The following KLHL41 variants were observed in gnomAD, a reference collection of about 807,000 sequenced individuals.
KLHL41 encodes kelch-like protein 41.
Under a neutral mutation model 49.2 loss-of-function variants are expected in KLHL41, and 31 were observed. The observed-to-expected ratio is 0.63, with a 90% confidence interval of 0.47 to 0.85. The LOEUF (loss-of-function observed/expected upper bound fraction) is 0.85. Ranked by LOEUF, KLHL41 falls within the 40% of genes least tolerant of loss-of-function variation. The pLI is 0.00. For missense variants in KLHL41, 663 were observed against 726.7 expected (o/e 0.91, Z 1.01); for synonymous variants, 218 against 258.5 (o/e 0.84, Z 1.50).
At position 169,510,100 on chromosome 2, in the gene KLHL41, G is replaced by C. The variant is rs185551614; in HGVS notation, c.322G>C (p.Ala108Pro). Residue 108 changes from alanine to proline, a missense_variant, in exon 1 of 6, where the codon GCA becomes CCA. Transcript: ENST00000284669. This position sits in a 1 kb window ranked among gnomAD's most constrained non-coding sequence, Gnocchi z 4.2. ...LNDGNVQDIF[A>P]LASRFQIPSV... is the part of the protein sequence containing the mutation. ...TGACGGAAATGTGCAAGATATTTTT[G>C]CATTGGCCAGCCGCTTTCAGATCCC... 6.2e-7 allele frequency: 1 copy of C among 1,614,128 alleles called. No homozygotes were observed. Among genetic ancestry groups the C allele is most frequent in the Non-Finnish European group, 8.5e-7 (1 of 1,180,022 alleles).
In KLHL41 at chr2:169,514,727, C is replaced by A; in HGVS notation, c.1264C>A (p.Pro422Thr). 1 of 1,613,692 alleles carries A rather than the reference C, an allele frequency of 6.2e-7. No individual in the cohort carries two copies. The highest frequency in any genetic ancestry group is 8.5e-7 in the Non-Finnish European group (1 of 1,179,806). Residue 422 changes from proline to threonine, a missense_variant, in exon 2 of 6, where the codon CCT becomes ACT. Physicochemically the swap from Pro to Thr is conservative, Grantham distance 38. This residue lies in a region of KLHL41 where 528 missense variants were observed against 581.0 expected (regional missense o/e 0.91). Transcript: ENST00000284669. ...ASLDSVLCYDPVAAKWNEVKK... is the reference protein window; with the variant it reads ...ASLDSVLCYDTVAAKWNEVKK... Reference sequence around the variant, plus strand: ...GCTGGATTCAGTATTATGCTATGATCCTGTGTAAGTTGGCATGATATTCCT... The same window carrying A: ...GCTGGATTCAGTATTATGCTATGATACTGTGTAAGTTGGCATGATATTCCT...
rs748552834 is a variant in KLHL41 at position 169,509,859 on chromosome 2, G to A, written c.81G>A (p.Leu27=). ...TTCAGGATGGTCTAAAAGATCTCCT[G>A]GATGAGAAAAAATTCATCGATTGCA... The part of the protein sequence containing the change: ...TLLQDGLKDL[L]DEKKFIDCTL... The change falls in exon 1 of 6, where the codon CTG becomes CTA. Residue 27 remains leucine (L), a synonymous_variant. Transcript: ENST00000284669. 1.9e-6 allele frequency: 3 copies of A among 1,614,090 alleles called. No individual in the cohort carries two copies. Among genetic ancestry groups the A allele is most frequent in the Non-Finnish European group, 2.5e-6 (3 of 1,180,026 alleles).
rs1033276582 is a variant in KLHL41, at chr2:169,525,664, C to T, written c.1789C>T (p.Arg597Cys). ...TTCAGGAGCTAGTTGCCTAGCAACA[C>T]GTTTAAATCTCTTCAAACTGTCTAA... is the stretch of plus-strand genomic sequence containing the variant. ...YASGASCLAT[R>C]LNLFKLSKL is the part of the protein sequence containing the mutation. Residue 597 changes from arginine (R) to cysteine (C), a missense_variant, in exon 6 of 6, where the codon CGT (arginine) becomes TGT (cysteine). By Grantham distance (180) the Arg-to-Cys change is radical. Transcript: ENST00000284669. 7.5e-6 allele frequency: 12 copies of T among 1,610,468 alleles called. No individual in the cohort carries two copies. The highest frequency in any genetic ancestry group is 6.7e-5 in the East Asian group (3 of 44,852).
In KLHL41 at chr2:169,510,087, G is replaced by A. The variant is rs1404529732; in HGVS notation, c.309G>A (p.Val103=). 1.2e-6 allele frequency: 2 copies of A among 1,614,030 alleles called. No individual in the cohort carries two copies. The highest frequency in any genetic ancestry group is 2.7e-5 in the African/African-American group (2 of 74,918). ...SASIDLNDGN[V]QDIFALASRF... is the part of the protein sequence containing the mutation. ...GTATTGATCTCAATGACGGAAATGT[G>A]CAAGATATTTTTGCATTGGCCAGCC... Residue 103 remains valine, a synonymous_variant, in exon 1 of 6, where the codon GTG becomes GTA. Coordinates refer to ENST00000284669, the MANE Select transcript of KLHL41 (RefSeq NM_006063.3). The surrounding 1 kb of genome is among the most constrained non-coding windows in gnomAD (Gnocchi z 4.2).
At chr2:169,519,043 GTTTC>G (rs1275863491) in intron 4 of KLHL41, among the ~76,000 whole-genome samples, 1 of 152,028 alleles carries the variant, frequency 6.6e-6, no homozygotes, top group African/African-American at 2.4e-5. Context: ...TTTAAATGTA[GTTTC>G]TTTATGAAAA....
chr2:169,520,880 T>C lies in KLHL41; in HGVS notation c.1582T>C (p.Phe528Leu). 3.7e-6 allele frequency: 6 copies of C among 1,612,758 alleles called. No individual in the cohort carries two copies. The highest frequency in any genetic ancestry group is 5.1e-6 in the Non-Finnish European group (6 of 1,179,076). The change falls in exon 5 of 6, where the codon TTT (phenylalanine) becomes CTT (leucine). Residue 528 changes from phenylalanine to leucine, a missense_variant. Physicochemically the swap from Phe to Leu is conservative, Grantham distance 22. Coordinates refer to ENST00000284669, the MANE Select transcript of KLHL41 (RefSeq NM_006063.3). ...TTNKWDVMTE[F>L]PQERSSISLV... ...ACCTAGATGGGATGTAATGACCGAA[T>C]TTCCCCAAGAAAGAAGCTCCATCAG...
intron 5 of KLHL41, among the ~76,000 whole-genome samples, chr2:169,523,231 A>G (rs1684229013): frequency 6.6e-6 from 1 of 152,246 alleles, no homozygotes; most frequent in African/African-American, 2.4e-5. Context: ...GGAACCTAAA[A>G]GAGGGATCCT....
At chr2:169,522,321 G>A (rs566721429) in intron 5 of KLHL41, among the ~76,000 whole-genome samples, 83 of 152,230 alleles carry the variant, frequency 5.5e-4, no homozygotes, top group African/African-American at 2.0e-3. Context: ...TTAACTAGCT[G>A]TGTAGAGGGC....
At chr2:169,522,134 A>G (rs1003643793) in intron 5 of KLHL41, among the ~76,000 whole-genome samples, 1 of 152,210 alleles carries the variant, frequency 6.6e-6, no homozygotes, top group African/African-American at 2.4e-5. Context: ...AGTGCCATTT[A>G]TACTTAATCA....
rs765322262 is a variant in KLHL41 at position 169,509,983 on chromosome 2, G to C, written c.205G>C (p.Ala69Pro). 2 of 1,612,986 alleles carry C rather than the reference G, an allele frequency of 1.2e-6. No homozygotes were observed. Among genetic ancestry groups the C allele is most frequent in the African/African-American group, 2.7e-5 (2 of 74,870 alleles). ...GTACTTTTTATCTGAAATTGATGAG[G>C]CGAAAAAAAAGGAGGTAGTGCTAGA... ...REYFLSEIDEAKKKEVVLDNV... is the reference protein window; with the variant it reads ...REYFLSEIDEPKKKEVVLDNV... Residue 69 changes from alanine (A) to proline (P), a missense_variant, in exon 1 of 6, where the codon GCG becomes CCG. By Grantham distance (27) the Ala-to-Pro change is conservative (BLOSUM62 -1). Coordinates refer to ENST00000284669, the MANE Select transcript of KLHL41 (RefSeq NM_006063.3).
rs149107173 is a variant in KLHL41 at position 169,520,469 on chromosome 2, T to C, written c.1563-392T>C. 6.3e-3 allele frequency among the ~76,000 whole-genome samples: 947 copies of C among 149,732 alleles called. 11 individuals carry two copies. Among genetic ancestry groups the C allele is most frequent in the African/African-American group, 0.022 (902 of 40,482 alleles). Reference sequence around the variant, plus strand: ...CGCTACTTGAATATTTATTTTTTATTTAGATGGAGTCTCGCTCTGTTGCCC... The same window carrying C: ...CGCTACTTGAATATTTATTTTTTATCTAGATGGAGTCTCGCTCTGTTGCCC... On this transcript the variant is annotated intron_variant, in intron 4 of 5. Transcript: ENST00000284669.
intron 5 of KLHL41, among the ~76,000 whole-genome samples, chr2:169,525,196 C>A (rs778064930): frequency 6.6e-6 from 1 of 152,224 alleles, no homozygotes; most frequent in Non-Finnish European, 1.5e-5. Context: ...ATAATTAAGT[C>A]TACCGATAGT....
rs760609547 is a variant in KLHL41 at position 169,509,981 on chromosome 2, A to G, written c.203A>G (p.Glu68Gly). The G allele has an allele frequency of 6.2e-7, 1 of 1,614,056 alleles. No individual in the cohort carries two copies. Among genetic ancestry groups the G allele is most frequent in the Non-Finnish European group, 8.5e-7 (1 of 1,179,978 alleles). ...FREYFLSEIDEAKKKEVVLDN... is the reference protein window; with the variant it reads ...FREYFLSEIDGAKKKEVVLDN... ...GAGTACTTTTTATCTGAAATTGATG[A>G]GGCGAAAAAAAAGGAGGTAGTGCTA... The change falls in exon 1 of 6, where the codon GAG (glutamate) becomes GGG (glycine). Residue 68 changes from glutamate (E) to glycine (G), a missense_variant. Physicochemically the swap from Glu to Gly is moderately conservative, Grantham distance 98. Transcript: ENST00000284669.
At position 169,521,027 on chromosome 2, in the gene KLHL41, A is replaced by G. The variant is rs762480893; in HGVS notation, c.1709+20A>G. The G allele has an allele frequency of 3.6e-5, 58 of 1,604,152 alleles. No individual in the cohort carries two copies. The highest frequency in any genetic ancestry group is 1.2e-4 in the Admixed American group (7 of 58,346). On this transcript the variant is annotated intron_variant, in intron 5 of 5. Transcript: ENST00000284669. Reference sequence around the variant, plus strand: ...ATGGAAGTAAGTTCTCATCACTTCAATTTTCAGAATCACATATTAAATCAG... The same window carrying G: ...ATGGAAGTAAGTTCTCATCACTTCAGTTTTCAGAATCACATATTAAATCAG...
chr2:169,510,206 T>G lies in KLHL41; in HGVS notation c.428T>G (p.Leu143Arg), dbSNP rs1218522467. ...TGTCTAGCCATCCTAAGATTAGGAC[T>G]TCTTCTTGACTGCCCGAGACTCGCC... ...GNCLAILRLG[L>R]LLDCPRLAIS... Residue 143 changes from leucine (L) to arginine (R), a missense_variant, in exon 1 of 6, where the codon CTT becomes CGT. Coordinates refer to ENST00000284669, the MANE Select transcript of KLHL41 (RefSeq NM_006063.3). This position sits in a 1 kb window ranked among gnomAD's most constrained non-coding sequence, Gnocchi z 4.2. 1 of 1,613,970 alleles carries G rather than the reference T, an allele frequency of 6.2e-7. No homozygotes were observed. The highest frequency in any genetic ancestry group is 1.1e-5 in the South Asian group (1 of 91,082).
In KLHL41 at chr2:169,520,925, T is replaced by C. The variant is rs745908034; in HGVS notation, c.1627T>C (p.Ser543Pro). ...SSISLVSLAG[S>P]LYAIGGFAMI... The stretch of plus-strand genomic sequence containing the variant: ...CATCAGTTTGGTCAGCCTGGCTGGA[T>C]CTCTGTATGCAATTGGTGGTTTTGC... The change falls in exon 5 of 6, where the codon TCT (serine) becomes CCT (proline). Residue 543 changes from serine (S) to proline (P), a missense_variant. Ser to Pro is a moderately conservative substitution (Grantham distance 74). Coordinates refer to ENST00000284669, the MANE Select transcript of KLHL41 (RefSeq NM_006063.3). 2 of 1,613,966 alleles carry C rather than the reference T, an allele frequency of 1.2e-6. No individual in the cohort carries two copies. The highest frequency in any genetic ancestry group is 1.7e-6 in the Non-Finnish European group (2 of 1,179,816).
At position 169,514,655 on chromosome 2, in the gene KLHL41, G is replaced by T. The variant is rs1574351200; in HGVS notation, c.1192G>T (p.Asp398Tyr). The T allele has an allele frequency of 1.9e-6, 3 of 1,613,994 alleles. No individual in the cohort carries two copies. Among genetic ancestry groups the T allele is most frequent in the Middle Eastern group, 1.6e-4 (1 of 6,062 alleles). ...RCLFGLGEVD[D>Y]KIYVVAGKDL... is the part of the protein sequence containing the mutation. ...TCTCTTCGGTCTGGGAGAGGTGGATGATAAAATCTATGTAGTTGCAGGCAA... is the reference window on the plus strand; with the variant it reads ...TCTCTTCGGTCTGGGAGAGGTGGATTATAAAATCTATGTAGTTGCAGGCAA... The change falls in exon 2 of 6, where the codon GAT becomes TAT. Residue 398 changes from aspartate (D) to tyrosine (Y), a missense_variant. Physicochemically the swap from Asp to Tyr is radical, Grantham distance 160. Transcript: ENST00000284669.
At chr2:169,521,305 A>G (rs1684199896) in intron 5 of KLHL41, among the ~76,000 whole-genome samples, 1 of 152,362 alleles carries the variant, frequency 6.6e-6, no homozygotes, top group East Asian at 1.9e-4. Flanking sequence ...GTATAATGCT[A>G]TAGGCATCCA....
At position 169,510,634 on chromosome 2, in the gene KLHL41, G is replaced by A; in HGVS notation, c.856G>A (p.Asp286Asn). 2 of 1,614,132 alleles carry A rather than the reference G, an allele frequency of 1.2e-6. No homozygotes were observed. Among genetic ancestry groups the A allele is most frequent in the Non-Finnish European group, 8.5e-7 (1 of 1,180,024 alleles). ...GGTGAATGGTGATGTTGGTGATGAA[G>A]ATTTACTTCCTGGTTACCTGAATGA... is the stretch of plus-strand genomic sequence containing the variant. Reference protein sequence around the residue: ...GEVNGDVGDEDLLPGYLNDIP... With the variant: ...GEVNGDVGDENLLPGYLNDIP... The change falls in exon 1 of 6, where the codon GAT (aspartate) becomes AAT (asparagine). Residue 286 changes from aspartate (D) to asparagine (N), a missense_variant. Physicochemically the swap from Asp to Asn is conservative, Grantham distance 23 (BLOSUM62 1). Around this residue, in one of 3 missense-constraint regions of KLHL41, gnomAD observed 528 missense variants for 581.0 expected, o/e 0.91. Transcript: ENST00000284669. This position sits in a 1 kb window ranked among gnomAD's most constrained non-coding sequence, Gnocchi z 4.2.
Sources: gnomAD v4.1 joint callset for allele counts (sites outside exome capture counted in the v4.1 genomes callset) on GRCh38, gnomAD v4.1.1 for gene constraint, gnomAD v4.1.1 regional missense constraint, Gnocchi (gnomAD v3.1) non-coding constraint, MANE v1.5 for transcripts, NCBI Gene and HGNC (gene_info 2026-07-23, HGNC 2026-07-21) for gene names.